Variants in SP3 observed in about 807,000 individuals in gnomAD.
SP3 encodes Sp3 transcription factor.
SP3 carries 10 observed loss-of-function variants against 70.3 expected under a neutral mutation model. The observed-to-expected ratio is 0.14, with a 90% CI of 0.09 to 0.24. The LOEUF (loss-of-function observed/expected upper bound fraction) is 0.24, where lower values mean the gene tolerates loss of function less well. Ranked by LOEUF, SP3 falls within the 10% of genes least tolerant of loss-of-function variation. The pLI, the probability that SP3 is intolerant of heterozygous loss-of-function variation, is 1.00. For synonymous variants in SP3, 402 were observed against 333.5 expected, an observed-to-expected ratio of 1.21 and a Z score of -2.24; for missense variants, 825 against 914.6, an observed-to-expected ratio of 0.90 and a Z score of 1.26.
At position 173,904,303 on chromosome 2, in the gene SP3, T is replaced by C. The variant is rs549682357; in HGVS notation, c.*5638A>G. Among the ~76,000 whole-genome samples the C allele has an allele frequency of 1.1e-4, 16 of 152,224 alleles. No homozygotes were observed. The East Asian group carries it at 3.1e-3, about 29-fold the overall frequency. ...TGTGGCCCAGGGGTTGGGGACCCTT[T>C]TCTATAGGATCAAGTCATCAACTCT... On this transcript the variant is annotated 3_prime_UTR_variant, in exon 7 of 7. Transcript: ENST00000310015.
intron 4 of SP3, among the ~76,000 whole-genome samples, chr2:173,921,075 T>A (rs2105462052): frequency 6.6e-6 from 1 of 152,306 alleles, no homozygotes; most frequent in African/African-American, 2.4e-5. Flanking sequence ...TTCATCAAGT[T>A]ATATACATTT....
intron 3 of SP3, among the ~76,000 whole-genome samples, chr2:173,957,835 A>G (rs1690945177): frequency 6.6e-6 from 1 of 152,168 alleles, no homozygotes; most frequent in African/African-American, 2.4e-5. Context: ...GAACTATAAA[A>G]TAGCGATCTG....
At position 173,964,407 on chromosome 2, in the gene SP3, G is replaced by GGGCCGCCGCTGCCGC; in HGVS notation, c.139_153dup (p.Ala47_Ala51dup). 1 of 720,772 alleles carries GGGCCGCCGCTGCCGC rather than the reference G, an allele frequency of 1.4e-6. No individual in the cohort carries two copies. Among genetic ancestry groups the GGGCCGCCGCTGCCGC allele is most frequent in the Non-Finnish European group, 2.5e-6 (1 of 395,486 alleles). The allele number at this position is 720,772 out of a possible 1,614,324, so 44.6% of individuals were successfully genotyped here. On this transcript the variant is annotated inframe_insertion, in exon 2 of 7. Transcript: ENST00000310015. ...GCCGGGGTTCAGCCGCTCCTCACCTGGGCCGCCGCTGCCGCCGCCACCGCA... is the reference window on the plus strand; with the variant it reads ...GCCGGGGTTCAGCCGCTCCTCACCTGGGCCGCCGCTGCCGCGGCCGCCGCTGCCGCCGCCACCGCA...
At chr2:173,956,385 T>C (rs1010140097) in intron 3 of SP3, among the ~76,000 whole-genome samples, 153 bp from the exon 4 acceptor site, 4 of 152,228 alleles carry the variant, frequency 2.6e-5, no homozygotes, top group African/African-American at 7.2e-5. Context: ...CTATATGAAC[T>C]ACAATAATTA....
chr2:173,964,218 G>A, intron 2 of SP3, 187 bp downstream of exon 2: 4 of 477,682 alleles, frequency 8.4e-6, no homozygotes, highest in South Asian at 6.2e-5. Context: ...AGGCGGGCGA[G>A]GCGGGGCGGC....
intron 4 of SP3, among the ~76,000 whole-genome samples, chr2:173,923,135 T>C (rs192327888): frequency 1.1e-4 from 17 of 152,268 alleles, no homozygotes; most frequent in Admixed American, 7.8e-4. Context: ...AAGAACTTTA[T>C]AAACAGCACT....
At chr2:173,963,448 T>G (rs1691152071) in intron 3 of SP3, 1 of 152,580 alleles carries the variant, frequency 6.6e-6, no homozygotes, top group African/African-American at 2.4e-5. Flanking sequence ...TTTTGTAGTG[T>G]TAAGCGAAGG....
Position 173,956,174 on chromosome 2 carries a change from G to A in SP3, c.338C>T (p.Ser113Leu), listed in dbSNP as rs1320638355. 13 of 1,613,872 alleles carry A rather than the reference G, an allele frequency of 8.1e-6. No individual in the cohort carries two copies. Among genetic ancestry groups the A allele is most frequent in the Non-Finnish European group, 1.1e-5 (13 of 1,179,924 alleles). Residue 113 changes from serine to leucine, a missense_variant, in exon 4 of 7, where the codon TCA (serine) becomes TTA (leucine). By Grantham distance (145) the Ser-to-Leu change is moderately radical. Around this residue, in one of 4 missense-constraint regions of SP3, gnomAD observed 678 missense variants for 651.6 expected, o/e 1.04. Coordinates refer to ENST00000310015, the MANE Select transcript of SP3 (RefSeq NM_003111.5). Reference protein sequence around the residue: ...GGAPNRWEVLSATPTTIKDEA... With the variant: ...GGAPNRWEVLLATPTTIKDEA... ...ATCTTTTATAGTTGTAGGTGTGGCT[G>A]ACAAAACCTCCCATCGGTTTGGTGC...
intron 4 of SP3, among the ~76,000 whole-genome samples, chr2:173,931,412 C>T (rs942125986): frequency 1.3e-5 from 2 of 152,054 alleles, no homozygotes; most frequent in African/African-American, 2.4e-5. Context: ...GGTGCAATCT[C>T]GGCTCACTGC....
intron 5 of SP3, chr2:173,916,128 T>C (rs565486746): frequency 6.6e-6 from 1 of 152,220 alleles, no homozygotes; most frequent in East Asian, 1.9e-4. Context: ...ATCACACATA[T>C]ACTGCTTGAA....
intron 1 of SP3, 121 bp from the exon 2 acceptor site, chr2:173,964,674 C>G: frequency 2.3e-6 from 1 of 432,848 alleles, no homozygotes; most frequent in Non-Finnish European, 4.1e-6. Context: ...TCCCCTCCCC[C>G]ACCCGCCCCC....
intron 4 of SP3, among the ~76,000 whole-genome samples, chr2:173,921,908 TTCTC>T (rs775045317): frequency 6.6e-6 from 1 of 152,158 alleles, no homozygotes; most frequent in Admixed American, 6.5e-5. Flanking sequence ...CTCCTACTCT[TTCTC>T]TGTCTCTCAC....
At chr2:173,922,650 G>A (rs1174781167) in intron 4 of SP3, among the ~76,000 whole-genome samples, 1 of 152,072 alleles carries the variant, frequency 6.6e-6, no homozygotes, top group Non-Finnish European at 1.5e-5. Context: ...GAGGAAACTG[G>A]TGTCCAGAAA....
At chr2:173,917,492 T>C (rs1689644123) in intron 5 of SP3, among the ~76,000 whole-genome samples, 1 of 152,052 alleles carries the variant, frequency 6.6e-6, no homozygotes, top group South Asian at 2.1e-4. Context: ...CTAACACCAC[T>C]GGGAATACGG....
chr2:173,912,973 C>A (rs1424648783), intron 6 of SP3, 97 bp downstream of exon 6: 1 of 231,692 alleles, frequency 4.3e-6, no homozygotes, highest in South Asian at 1.1e-4. Flanking sequence ...TATTTTAAAT[C>A]GATTCAGTTC....
intron 4 of SP3, among the ~76,000 whole-genome samples, chr2:173,950,658 T>TAA (rs528534985): frequency 2.1e-4 from 27 of 130,548 alleles, no homozygotes; most frequent in East Asian, 6.5e-4. Context: ...CCCTGTCTCT[T>TAA]AAAAAAAAAA....
intron 2 of SP3, 147 bp from the exon 3 acceptor site, chr2:173,964,030 T>TC: frequency 2.5e-6 from 1 of 405,768 alleles, no homozygotes. Context: ...CTCCTCCTCC[T>TC]CCTCCTCCTG....
At chr2:173,934,689 C>G (rs1346041819) in intron 4 of SP3, among the ~76,000 whole-genome samples, 2 of 151,986 alleles carry the variant, frequency 1.3e-5, no homozygotes, top group Admixed American at 1.3e-4. Flanking sequence ...ACAGCAAGAC[C>G]CCATCACTAT....
intron 4 of SP3, among the ~76,000 whole-genome samples, chr2:173,920,266 T>TA (rs1264194973): frequency 6.6e-6 from 1 of 151,982 alleles, no homozygotes; most frequent in African/African-American, 2.4e-5. Context: ...TGCCAGGAAT[T>TA]AAAGGGGAGG....
Sources: allele counts gnomAD v4.1 joint callset (sites outside exome capture counted in the v4.1 genomes callset), GRCh38; gene constraint gnomAD v4.1.1; regional missense constraint gnomAD v4.1.1; transcripts MANE v1.5; gene names NCBI Gene and HGNC (gene_info 2026-07-23, HGNC 2026-07-21).